Variants in TMEM131 observed in about 807,000 individuals in gnomAD.
The protein encoded by TMEM131 is 2610524E03Rik.
A neutral mutation model predicts 211.6 loss-of-function variants in TMEM131; 66 were observed. The observed-to-expected ratio is 0.31, with a 90% CI of 0.26 to 0.38. The LOEUF is 0.38. TMEM131 is among the 10% of genes least tolerant of loss of function. The pLI, the probability that TMEM131 is intolerant of heterozygous loss-of-function variation, is 1.00. For synonymous variants in TMEM131, 844 were observed against 841.3 expected, an observed-to-expected ratio of 1.00 and a Z score of -0.06; for missense variants, 2,036 against 2,299.3, an observed-to-expected ratio of 0.89 and a Z score of 2.34.
At chr2:97,927,179 T>C (rs925768828) in intron 2 of TMEM131, among the ~76,000 whole-genome samples, 6 of 152,192 alleles carry the variant, frequency 3.9e-5, no homozygotes, top group African/African-American at 1.4e-4. Flanking sequence ...AAGATAAGAA[T>C]GATAATGTAC....
chr2:97,923,646 AAAAAAAAG>A lies in TMEM131; in HGVS notation c.249+3772_249+3779del, dbSNP rs1238273315. 2.3e-3 allele frequency among the ~76,000 whole-genome samples: 355 copies of A among 151,382 alleles called. 2 individuals carry two copies. The highest frequency in any genetic ancestry group is 0.017 in the Middle Eastern group (5 of 292). On this transcript the variant is annotated intron_variant, in intron 2 of 40. Coordinates refer to ENST00000186436, the MANE Select transcript of TMEM131 (RefSeq NM_015348.2). Reference sequence around the variant, plus strand: ...TTTTTTTTAAAAAAAAAAAAAAAAAAAAAAAAAGACAAAATTCTGTTTGTGTTTTCAAC... The same window carrying A: ...TTTTTTTTAAAAAAAAAAAAAAAAAAACAAAATTCTGTTTGTGTTTTCAAC...
At chr2:97,882,603 T>C (rs987413607) in intron 4 of TMEM131, among the ~76,000 whole-genome samples, 4 of 152,242 alleles carry the variant, frequency 2.6e-5, no homozygotes, top group Non-Finnish European at 5.9e-5. Flanking sequence ...GTCTGTGCCC[T>C]TGGGGTTCCA....
At chr2:97,936,976 A>G (rs1677474942) in intron 1 of TMEM131, among the ~76,000 whole-genome samples, 1 of 152,292 alleles carries the variant, frequency 6.6e-6, no homozygotes, top group East Asian at 1.9e-4. Context: ...ATAACCAAAT[A>G]GAAAAGCACA....
At chr2:97,863,724 C>A (rs1197007723) in intron 4 of TMEM131, among the ~76,000 whole-genome samples, 2 of 152,024 alleles carry the variant, frequency 1.3e-5, no homozygotes, top group East Asian at 3.9e-4. Context: ...ATGGCTTTAT[C>A]CAAAAGGCAA....
chr2:97,868,685 GAAC>G (rs373420624), intron 4 of TMEM131, among the ~76,000 whole-genome samples: 7 of 152,016 alleles, frequency 4.6e-5, no homozygotes, highest in South Asian at 2.1e-4. Flanking sequence ...TAACAGTTCA[GAAC>G]AACAACAACA....
At chr2:97,891,894 A>G (rs1186911021) in intron 3 of TMEM131, among the ~76,000 whole-genome samples, 4 of 152,102 alleles carry the variant, frequency 2.6e-5, no homozygotes, top group Non-Finnish European at 4.4e-5. Context: ...GCACCCTCAC[A>G]TTTAGGAGCC....
chr2:97,963,503 T>A (rs1573622914), intron 1 of TMEM131, among the ~76,000 whole-genome samples: 1 of 152,110 alleles, frequency 6.6e-6, no homozygotes, highest in African/African-American at 2.4e-5. Context: ...TCACTGGAGG[T>A]CAGAAGTTTG....
At chr2:97,889,333 T>C (rs1401015849) in intron 3 of TMEM131, among the ~76,000 whole-genome samples, 1 of 152,118 alleles carries the variant, frequency 6.6e-6, no homozygotes, top group African/African-American at 2.4e-5. Flanking sequence ...GAAGGCACAA[T>C]TCCTTGCAAC....
In TMEM131 at chr2:97,760,607, G is replaced by A; in HGVS notation, c.5094C>T (p.Ser1698=). The A allele has an allele frequency of 1.9e-6, 3 of 1,611,438 alleles. No homozygotes were observed. Among genetic ancestry groups the A allele is most frequent in the Non-Finnish European group, 1.7e-6 (2 of 1,178,688 alleles). The change falls in exon 38 of 41, where the codon AGC becomes AGT. Residue 1698 remains serine, a synonymous_variant. Transcript: ENST00000186436. ...SLGISHAPVD[S]DGSDSSGLWS... is the part of the protein sequence containing the mutation. ...GTCTACCGTACCTGTCTGAGCCATCGCTGTCAACAGGAGCGTGTGAAATGC... is the reference window on the plus strand; with the variant it reads ...GTCTACCGTACCTGTCTGAGCCATCACTGTCAACAGGAGCGTGTGAAATGC...
At chr2:97,875,117 G>C (rs939972694) in intron 4 of TMEM131, among the ~76,000 whole-genome samples, 1 of 152,140 alleles carries the variant, frequency 6.6e-6, no homozygotes, top group Non-Finnish European at 1.5e-5. Context: ...AAGAGACAAA[G>C]AAGGGCATTA....
At chr2:97,923,765 C>CT (rs1676854411) in intron 2 of TMEM131, among the ~76,000 whole-genome samples, 1 of 151,360 alleles carries the variant, frequency 6.6e-6, no homozygotes, top group Non-Finnish European at 1.5e-5. Context: ...ACAGAGCTAG[C>CT]TTTTTTCCTG....
At chr2:97,766,773 C>T (rs1052448539) in intron 33 of TMEM131, among the ~76,000 whole-genome samples, 171 bp from the exon 34 acceptor site, 1 of 152,208 alleles carries the variant, frequency 6.6e-6, no homozygotes, top group African/African-American at 2.4e-5. Flanking sequence ...ATGCCCAACG[C>T]TGTAGCTAAG....
intron 2 of TMEM131, among the ~76,000 whole-genome samples, chr2:97,920,361 A>T (rs1676689442): frequency 6.6e-6 from 1 of 152,178 alleles, no homozygotes; most frequent in Non-Finnish European, 1.5e-5. Flanking sequence ...TGAATGTTGT[A>T]TTTCTGAGAT....
intron 31 of TMEM131, among the ~76,000 whole-genome samples, chr2:97,792,055 A>G (rs1165642108): frequency 6.6e-6 from 1 of 152,222 alleles, no homozygotes; most frequent in Non-Finnish European, 1.5e-5. Context: ...GATGATCTCC[A>G]TTTTACTCCT....
intron 1 of TMEM131, among the ~76,000 whole-genome samples, chr2:97,945,653 G>A (rs7588227): frequency 0.35 from 52,397 of 151,838 alleles, 9,947 homozygotes; most frequent in Middle Eastern, 0.49. Flanking sequence ...GATTGTGCAC[G>A]GGGAGGAGAA....
intron 1 of TMEM131, among the ~76,000 whole-genome samples, chr2:97,928,123 A>G (rs1409339027): frequency 6.6e-6 from 1 of 152,210 alleles, no homozygotes; most frequent in Non-Finnish European, 1.5e-5. Context: ...AATTCCTTAA[A>G]GCAGCTTTAT....
intron 3 of TMEM131, among the ~76,000 whole-genome samples, chr2:97,894,082 C>T (rs1290161997): frequency 1.3e-5 from 2 of 152,162 alleles, no homozygotes; most frequent in African/African-American, 4.8e-5. Flanking sequence ...GGTCCAGTTT[C>T]AGTTTTCTGC....
chr2:97,875,926 A>G (rs1163125958), intron 4 of TMEM131, among the ~76,000 whole-genome samples: 2 of 152,238 alleles, frequency 1.3e-5, no homozygotes, highest in East Asian at 1.9e-4. Context: ...CAATGAATCC[A>G]GGAGCTGTGT....
intron 18 of TMEM131, 88 bp from the exon 19 acceptor site, chr2:97,809,862 A>C (rs1681474826): frequency 2.0e-6 from 2 of 1,007,800 alleles, no homozygotes; most frequent in Admixed American, 4.2e-5. Flanking sequence ...GGGTTAACCT[A>C]ATTTTGGGAC....
Sources: gnomAD v4.1 joint callset for allele counts (sites outside exome capture counted in the v4.1 genomes callset) on GRCh38, gnomAD v4.1.1 for gene constraint, MANE v1.5 for transcripts, NCBI Gene and HGNC (gene_info 2026-07-23, HGNC 2026-07-21) for gene names.